The following SNHG17 variants were observed in gnomAD, a reference collection of about 807,000 sequenced individuals.
SNHG17 encodes small nucleolar RNA host gene 17 (non-protein coding).
chr20:38,428,849 T>A (rs903148395), intron 3 of SNHG17: 2 of 152,038 alleles, frequency 1.3e-5, no homozygotes, highest in Non-Finnish European at 2.9e-5. Context: ...GGAGGGAAAA[T>A]CCTCCCCATA....
At chr20:38,427,851 A>G (rs1555851544) in intron 3 of SNHG17, 1 of 153,560 alleles carries the variant, frequency 6.5e-6, no homozygotes, top group Non-Finnish European at 1.4e-5. Context: ...TGTTTTCCTG[A>G]AAGTCTGGAA....
intron 2 of SNHG17, chr20:38,431,224 C>T (rs1429905367): frequency 1.3e-5 from 2 of 152,258 alleles, no homozygotes; most frequent in Non-Finnish European, 2.9e-5. Flanking sequence ...ATCAGTGTCT[C>T]AGGAGGTGAA....
At chr20:38,434,785 G>A in intron 1 of SNHG17, 2 of 932,282 alleles carry the variant, frequency 2.1e-6, no homozygotes, top group Non-Finnish European at 2.6e-6. Flanking sequence ...AAAAGTTATT[G>A]AGGGGAAAAC....
chr20:38,434,882 T>A (rs1394066894), intron 1 of SNHG17: 1 of 1,211,534 alleles, frequency 8.3e-7, no homozygotes, highest in East Asian at 3.4e-5. Flanking sequence ...ATGCCAGGAG[T>A]CGGGGGCGGG....
chr20:38,429,662 G>A (rs1397264257), intron 3 of SNHG17: 2 of 489,992 alleles, frequency 4.1e-6, no homozygotes, highest in Admixed American at 2.3e-5. Context: ...GTGGTGGGAG[G>A]GAGGAGGTGT....
chr20:38,426,970 C>A (rs748150789), intron 3 of SNHG17, among the ~76,000 whole-genome samples: 1 of 146,064 alleles, frequency 6.8e-6, no homozygotes, highest in Non-Finnish European at 1.5e-5. Context: ...AAAGATGCTA[C>A]CCTATCCTGT....
At chr20:38,431,843 G>A (rs1238383599) in intron 2 of SNHG17, among the ~76,000 whole-genome samples, 1 of 152,200 alleles carries the variant, frequency 6.6e-6, no homozygotes, top group Non-Finnish European at 1.5e-5. Context: ...GGAACCCAAT[G>A]TATTCATGAT....
chr20:38,421,672 G>C (rs1323852701), intron 6 of SNHG17: 1 of 152,300 alleles, frequency 6.6e-6, no homozygotes, highest in Non-Finnish European at 1.5e-5. Context: ...GGGTTTGAAA[G>C]GGAAGGCTGG....
intron 1 of SNHG17, chr20:38,434,887 G>A: frequency 8.2e-7 from 1 of 1,215,502 alleles, no homozygotes; most frequent in Non-Finnish European, 1.0e-6. Context: ...AGGAGTCGGG[G>A]GCGGGCAGCT....
intron 6 of SNHG17, chr20:38,421,363 T>C (rs2084153870): frequency 6.6e-6 from 1 of 152,204 alleles, no homozygotes; most frequent in South Asian, 2.1e-4. Flanking sequence ...TGCAACTTTC[T>C]CCATTTGTTC....
intron 2 of SNHG17, among the ~76,000 whole-genome samples, chr20:38,433,461 T>C (rs1308304132): frequency 2.0e-5 from 3 of 152,050 alleles, no homozygotes; most frequent in Non-Finnish European, 2.9e-5. Flanking sequence ...CTGGGCAACA[T>C]AGCGAGACCC....
At chr20:38,425,476 A>G (rs2084230937) in intron 5 of SNHG17, 4 of 389,990 alleles carry the variant, frequency 1.0e-5, no homozygotes, top group Non-Finnish European at 2.0e-5. Context: ...AAAGATTTCT[A>G]ACATGGTTTG....
chr20:38,429,393 C>G (rs1191413488), intron 3 of SNHG17: 1 of 192,042 alleles, frequency 5.2e-6, no homozygotes, highest in Admixed American at 6.4e-5. Context: ...GGAAACAAGT[C>G]AGGCAACAAT....
intron 1 of SNHG17, chr20:38,434,776 A>G: frequency 8.3e-6 from 8 of 967,504 alleles, no homozygotes; most frequent in Non-Finnish European, 1.0e-5. Flanking sequence ...CCTACTTTTA[A>G]AAGTTATTGA....
At chr20:38,426,109 C>T (rs976232894) in intron 4 of SNHG17, 1 of 151,392 alleles carries the variant, frequency 6.6e-6, no homozygotes, top group Non-Finnish European at 1.5e-5. Flanking sequence ...CAAGGATCGC[C>T]ACCAAGTCCA....
intron 2 of SNHG17, among the ~76,000 whole-genome samples, chr20:38,432,405 A>C (rs1362018422): frequency 6.6e-6 from 1 of 152,196 alleles, no homozygotes; most frequent in Non-Finnish European, 1.5e-5. Context: ...AGTAAGGGCT[A>C]TGATGGGCAG....
chr20:38,434,910 C>A (rs1029267821), intron 1 of SNHG17: 5 of 1,218,400 alleles, frequency 4.1e-6, no homozygotes, highest in Middle Eastern at 3.2e-4. Flanking sequence ...AGTCGCCGAG[C>A]CCTGTTTCCC....
chr20:38,430,076 G>A (rs1600765034), intron 3 of SNHG17, among the ~76,000 whole-genome samples: 1 of 152,268 alleles, frequency 6.6e-6, no homozygotes, highest in East Asian at 1.9e-4. Context: ...CAGCACTTTG[G>A]GAGGCTGAGG....
At chr20:38,431,786 CAAT>C (rs1239802419) in intron 2 of SNHG17, among the ~76,000 whole-genome samples, 2 of 152,168 alleles carry the variant, frequency 1.3e-5, no homozygotes, top group Non-Finnish European at 2.9e-5. Context: ...CAAGACACAA[CAAT>C]GATAAGGGAT....
Sources: gnomAD v4.1 joint callset for allele counts (sites outside exome capture counted in the v4.1 genomes callset) on GRCh38, gnomAD v4.1.1 for gene constraint, MANE v1.5 for transcripts, NCBI Gene and HGNC (gene_info 2026-07-23, HGNC 2026-07-21) for gene names.